The following AMPH variants were observed in gnomAD, a reference collection of about 807,000 sequenced individuals.
AMPH encodes amphiphysin.
A neutral mutation model predicts 99.1 loss-of-function variants in AMPH; 49 were observed. The observed-to-expected ratio is 0.49, with a 90% CI of 0.39 to 0.63. The LOEUF (loss-of-function observed/expected upper bound fraction) is 0.63. Ranked by LOEUF, AMPH falls within the 20% of genes least tolerant of loss-of-function variation. The pLI, the probability that AMPH is intolerant of heterozygous loss-of-function variation, is 0.00. For missense variants in AMPH, 759 were observed against 863.4 expected, an observed-to-expected ratio of 0.88 and a Z score of 1.52; for synonymous variants, 314 against 317.3, an observed-to-expected ratio of 0.99 and a Z score of 0.11.
intron 15 of AMPH, among the ~76,000 whole-genome samples, chr7:38,423,030 T>C (rs1785647984): frequency 6.6e-6 from 1 of 152,242 alleles, no homozygotes; most frequent in Non-Finnish European, 1.5e-5. Context: ...AAGTCTCTGC[T>C]AGCAGAATAC....
intron 12 of AMPH, 71 bp downstream of exon 12, chr7:38,436,201 A>G (rs1786255560): frequency 9.1e-7 from 1 of 1,096,632 alleles, no homozygotes; most frequent in Non-Finnish European, 1.4e-6. Context: ...AGGTATAGGG[A>G]TCATTGGTTA....
chr7:38,518,361 T>C (rs750311257), intron 2 of AMPH, among the ~76,000 whole-genome samples: 2 of 152,152 alleles, frequency 1.3e-5, no homozygotes, highest in African/African-American at 2.4e-5. Flanking sequence ...ATAGAACTTG[T>C]AGGGCCACCA....
chr7:38,429,581 T>TAA, intron 14 of AMPH: 2 of 1,457,176 alleles, frequency 1.4e-6, no homozygotes, highest in Non-Finnish European at 1.8e-6. Flanking sequence ...AGTCAGTCTT[T>TAA]AAAGTATGCA....
intron 1 of AMPH, among the ~76,000 whole-genome samples, chr7:38,595,360 T>C (rs942117108): frequency 2.0e-5 from 3 of 152,094 alleles, no homozygotes; most frequent in African/African-American, 7.2e-5. Flanking sequence ...AATTAGGCTG[T>C]ATGAAAAAGA....
intron 1 of AMPH, among the ~76,000 whole-genome samples, chr7:38,544,119 TCTGA>T (rs1790910080): frequency 6.6e-6 from 1 of 152,220 alleles, no homozygotes; most frequent in South Asian, 2.1e-4. Context: ...TAGATTCTAC[TCTGA>T]CTAACCATAT....
At chr7:38,486,686 C>T (rs1788509363) in intron 5 of AMPH, among the ~76,000 whole-genome samples, 1 of 152,036 alleles carries the variant, frequency 6.6e-6, no homozygotes, top group South Asian at 2.1e-4. Context: ...CTACAAAATA[C>T]CAGCAAACTG....
At chr7:38,615,861 T>C (rs1468787693) in intron 1 of AMPH, among the ~76,000 whole-genome samples, 2 of 152,128 alleles carry the variant, frequency 1.3e-5, no homozygotes, top group Non-Finnish European at 2.9e-5. Context: ...GGGCTGGGGA[T>C]CAGAGCCCAA....
chr7:38,597,367 G>C (rs1319680434), intron 1 of AMPH, among the ~76,000 whole-genome samples: 1 of 152,042 alleles, frequency 6.6e-6, no homozygotes, highest in African/African-American at 2.4e-5. Flanking sequence ...AACAGGAAAA[G>C]GGTTATAATG....
chr7:38,479,748 T>C (rs1463268098), intron 5 of AMPH, among the ~76,000 whole-genome samples: 2 of 148,374 alleles, frequency 1.3e-5, no homozygotes, highest in African/African-American at 4.9e-5. Flanking sequence ...AACTAAGAAA[T>C]AAATTAATAA....
At chr7:38,454,816 A>C (rs1364787211) in intron 11 of AMPH, among the ~76,000 whole-genome samples, 1 of 152,240 alleles carries the variant, frequency 6.6e-6, no homozygotes, top group Non-Finnish European at 1.5e-5. Flanking sequence ...AAAAGTTGGA[A>C]GCAACTTGTG....
At chr7:38,554,609 AT>A (rs1791298917) in intron 1 of AMPH, among the ~76,000 whole-genome samples, 1 of 152,244 alleles carries the variant, frequency 6.6e-6, no homozygotes, top group Non-Finnish European at 1.5e-5. Context: ...AGTTAAATAT[AT>A]TACTGGCATT....
At chr7:38,500,254 A>C (rs1386273456) in intron 3 of AMPH, among the ~76,000 whole-genome samples, 1 of 152,200 alleles carries the variant, frequency 6.6e-6, no homozygotes, top group Non-Finnish European at 1.5e-5. Flanking sequence ...GCTCTGAGAA[A>C]CTCAGTAGTA....
intron 4 of AMPH, among the ~76,000 whole-genome samples, chr7:38,491,586 T>C (rs539381394): frequency 6.6e-6 from 1 of 152,362 alleles, no homozygotes; most frequent in South Asian, 2.1e-4. Flanking sequence ...TACAGTCATA[T>C]TGGGAAAGGT....
At chr7:38,598,115 T>C (rs1793121284) in intron 1 of AMPH, among the ~76,000 whole-genome samples, 1 of 152,248 alleles carries the variant, frequency 6.6e-6, no homozygotes, top group South Asian at 2.1e-4. Flanking sequence ...TGTTTTAACT[T>C]TCCATAATTT....
intron 1 of AMPH, among the ~76,000 whole-genome samples, chr7:38,627,193 A>G (rs987627180): frequency 6.6e-6 from 1 of 152,104 alleles, no homozygotes; most frequent in South Asian, 2.1e-4. Context: ...TTTCTTCCAG[A>G]GATAGGCACA....
chr7:38,435,622 T>C (rs1786229135), intron 12 of AMPH, among the ~76,000 whole-genome samples: 1 of 152,222 alleles, frequency 6.6e-6, no homozygotes. Flanking sequence ...TTATGGCACC[T>C]ACCACCAGTA....
chr7:38,425,294 C>A (rs1785743965), intron 15 of AMPH, among the ~76,000 whole-genome samples: 2 of 152,230 alleles, frequency 1.3e-5, no homozygotes, highest in East Asian at 1.9e-4. Flanking sequence ...CAGTTCAGCC[C>A]ACAGCAGCCC....
chr7:38,513,143 A>G (rs1396588205), intron 2 of AMPH, among the ~76,000 whole-genome samples: 2 of 152,250 alleles, frequency 1.3e-5, no homozygotes, highest in Admixed American at 1.3e-4. Context: ...TAAAAACTTT[A>G]AATCAAGATT....
At chr7:38,466,119 A>G (rs1281658128) in intron 8 of AMPH, 54 bp downstream of exon 8, 2 of 1,416,792 alleles carry the variant, frequency 1.4e-6, no homozygotes, top group African/African-American at 2.9e-5. Context: ...TGCTTCCAAA[A>G]TAAACCTTCC....
Sources: gnomAD v4.1 joint callset for allele counts (sites outside exome capture counted in the v4.1 genomes callset) on GRCh38, gnomAD v4.1.1 for gene constraint, MANE v1.5 for transcripts, NCBI Gene and HGNC (gene_info 2026-07-23, HGNC 2026-07-21) for gene names.